Variants in RALYL observed in about 807,000 individuals in gnomAD.
RALYL encodes the protein RNA-binding Raly-like protein.
In RALYL, 29 loss-of-function variants were observed where a neutral mutation model predicts 35.1. The ratio of observed to expected loss-of-function variants is 0.83; its 90% confidence interval spans 0.61 to 1.13. RALYL has a LOEUF of 1.13. Among genes scored for constraint, RALYL ranks in the 50% most tolerant of loss-of-function variants. The pLI is 0.00. For missense variants in RALYL, 359 were observed against 360.4 expected, an observed-to-expected ratio of 1.00 and a Z score of 0.03; for synonymous variants, 120 against 127.6, an observed-to-expected ratio of 0.94 and a Z score of 0.40.
intron 2 of RALYL, among the ~76,000 whole-genome samples, chr8:84,625,947 G>A (rs1167926130): frequency 1.3e-5 from 2 of 152,036 alleles, no homozygotes; most frequent in African/African-American, 4.8e-5. Context: ...GGAGTGGGAA[G>A]TGATAAAAAG....
intron 2 of RALYL, among the ~76,000 whole-genome samples, chr8:84,553,940 T>C (rs2060921338): frequency 6.6e-6 from 1 of 152,228 alleles, no homozygotes; most frequent in African/African-American, 2.4e-5. Flanking sequence ...CATCTTTCCA[T>C]ACACATAACT....
intron 1 of RALYL, among the ~76,000 whole-genome samples, chr8:84,318,241 G>T (rs1208126987): frequency 1.3e-5 from 2 of 152,178 alleles, no homozygotes; most frequent in African/African-American, 4.8e-5. Context: ...TGCCTGTGAG[G>T]CTGGGCCCTG....
chr8:84,437,595 C>A (rs909991177), intron 1 of RALYL, among the ~76,000 whole-genome samples: 1 of 152,020 alleles, frequency 6.6e-6, no homozygotes, highest in Admixed American at 6.6e-5. Flanking sequence ...ATGTGCATTT[C>A]TCTGATGATT....
At chr8:84,238,166 T>C (rs1451823642) in intron 1 of RALYL, among the ~76,000 whole-genome samples, 1 of 152,126 alleles carries the variant, frequency 6.6e-6, no homozygotes, top group Non-Finnish European at 1.5e-5. Flanking sequence ...AAAAATATAA[T>C]GGTCTATTAT....
At chr8:84,770,113 G>T (rs1346422899) in intron 2 of RALYL, among the ~76,000 whole-genome samples, 2 of 151,708 alleles carry the variant, frequency 1.3e-5, no homozygotes, top group African/African-American at 4.8e-5. Flanking sequence ...AAATTCTTTG[G>T]TGGTGATTTG....
At chr8:84,568,048 T>A (rs939516513) in intron 2 of RALYL, among the ~76,000 whole-genome samples, 3 of 151,662 alleles carry the variant, frequency 2.0e-5, no homozygotes, top group African/African-American at 2.4e-5. Flanking sequence ...AGTTTTTTTT[T>A]AAATTTTATT....
chr8:84,666,051 A>C (rs571605430), intron 2 of RALYL, among the ~76,000 whole-genome samples: 1 of 152,150 alleles, frequency 6.6e-6, no homozygotes, highest in South Asian at 2.1e-4. Flanking sequence ...CAGTTCCCCT[A>C]ATGGTTCGGG....
At chr8:84,477,925 T>C (rs1205621905) in intron 1 of RALYL, among the ~76,000 whole-genome samples, 1 of 152,042 alleles carries the variant, frequency 6.6e-6, no homozygotes, top group Non-Finnish European at 1.5e-5. Flanking sequence ...AAGAAACTCC[T>C]TTTTTAATAG....
chr8:84,222,746 C>T (rs184023206), intron 1 of RALYL, among the ~76,000 whole-genome samples: 2 of 152,098 alleles, frequency 1.3e-5, no homozygotes, highest in East Asian at 1.9e-4. Flanking sequence ...ATTTGTGTAC[C>T]ATTGAGAACT....
chr8:84,852,024 C>A (rs1044490557), intron 5 of RALYL, among the ~76,000 whole-genome samples: 3 of 152,190 alleles, frequency 2.0e-5, no homozygotes, highest in Admixed American at 6.5e-5. Context: ...ATTATTAATT[C>A]ATCTCCTTAG....
intron 4 of RALYL, among the ~76,000 whole-genome samples, chr8:84,845,052 G>A (rs1003488441): frequency 5.3e-5 from 8 of 151,908 alleles, no homozygotes; most frequent in Admixed American, 1.3e-4. Context: ...ACACCCACAC[G>A]GCACATGTAT....
chr8:84,785,695 G>T (rs1819277127), intron 3 of RALYL, among the ~76,000 whole-genome samples: 1 of 152,088 alleles, frequency 6.6e-6, no homozygotes. Context: ...ATAATAGTGA[G>T]TAATTTATTT....
intron 2 of RALYL, among the ~76,000 whole-genome samples, chr8:84,629,626 G>C (rs1194696110): frequency 2.0e-5 from 3 of 151,954 alleles, no homozygotes; most frequent in Non-Finnish European, 4.4e-5. Context: ...GGTAAATTCA[G>C]CTCATATGAC....
intron 2 of RALYL, among the ~76,000 whole-genome samples, chr8:84,534,614 G>A (rs1284033045): frequency 6.6e-6 from 1 of 152,106 alleles, no homozygotes; most frequent in Non-Finnish European, 1.5e-5. Flanking sequence ...TGGTTAGTAG[G>A]AGGAATGGAT....
intron 3 of RALYL, among the ~76,000 whole-genome samples, chr8:84,787,438 T>G (rs1440286666): frequency 1.3e-5 from 2 of 152,240 alleles, no homozygotes; most frequent in African/African-American, 2.4e-5. Flanking sequence ...GCATTTGGGT[T>G]GGTTCCAAGT....
At chr8:84,345,442 T>C (rs1849663496) in intron 1 of RALYL, among the ~76,000 whole-genome samples, 1 of 152,100 alleles carries the variant, frequency 6.6e-6, no homozygotes, top group African/African-American at 2.4e-5. Context: ...CTATGACATA[T>C]CTACCTCAGT....
chr8:84,843,916 T>C (rs559651610), intron 4 of RALYL, among the ~76,000 whole-genome samples: 3 of 152,342 alleles, frequency 2.0e-5, no homozygotes, highest in East Asian at 1.9e-4. Flanking sequence ...GCTAGCCATA[T>C]GTAGAAAGCT....
intron 2 of RALYL, among the ~76,000 whole-genome samples, chr8:84,731,332 T>C (rs1020927201): frequency 6.6e-6 from 1 of 152,080 alleles, no homozygotes; most frequent in Non-Finnish European, 1.5e-5. Flanking sequence ...TAACCCTCTT[T>C]TGAGGATAAG....
chr8:84,599,923 T>G (rs1408115222), intron 2 of RALYL, among the ~76,000 whole-genome samples: 1 of 151,520 alleles, frequency 6.6e-6, no homozygotes, highest in African/African-American at 2.4e-5. Flanking sequence ...GTGTTTTTTT[T>G]TTTTTTTTCT....
Sources: allele counts gnomAD v4.1 joint callset (sites outside exome capture counted in the v4.1 genomes callset), GRCh38; gene constraint gnomAD v4.1.1; transcripts MANE v1.5; gene names NCBI Gene and HGNC (gene_info 2026-07-23, HGNC 2026-07-21).